The following PNPLA1 variants were observed in gnomAD, a reference collection of about 807,000 sequenced individuals.
PNPLA1 encodes omega-hydroxyceramide transacylase.
In PNPLA1, 36 loss-of-function variants were observed where a neutral mutation model predicts 51.7. That is an observed-to-expected ratio of 0.70 (90% CI 0.53 to 0.92). The LOEUF (loss-of-function observed/expected upper bound fraction) is 0.92. Among genes scored for constraint, PNPLA1 ranks in the 40% least tolerant of loss-of-function variants. The pLI, the probability that PNPLA1 is intolerant of heterozygous loss-of-function variation, is 0.00. For missense variants in PNPLA1, 658 were observed against 682.5 expected, an observed-to-expected ratio of 0.96 and a Z score of 0.40; for synonymous variants, 293 against 280.1, an observed-to-expected ratio of 1.05 and a Z score of -0.46.
At chr6:36,250,447 A>G (rs1769396548) in intron 1 of PNPLA1, among the ~76,000 whole-genome samples, 1 of 152,210 alleles carries the variant, frequency 6.6e-6, no homozygotes, top group Non-Finnish European at 1.5e-5. Flanking sequence ...CAACCCCAGC[A>G]GTTATTGGGT....
intron 1 of PNPLA1, among the ~76,000 whole-genome samples, chr6:36,275,975 T>TCTTTCTTTC (rs757403775): frequency 6.6e-5 from 10 of 150,802 alleles, no homozygotes; most frequent in Admixed American, 1.3e-4. Flanking sequence ...TTTCTTTCTT[T>TCTTTCTTTC]TGAGACAGAG....
At chr6:36,276,785 C>T (rs142810045) in intron 1 of PNPLA1, among the ~76,000 whole-genome samples, 2 of 146,492 alleles carry the variant, frequency 1.4e-5, no homozygotes, top group South Asian at 4.4e-4. Context: ...TTCCTTCCTT[C>T]CTTGCTTCCT....
chr6:36,295,897 T>G (rs1236735245), intron 5 of PNPLA1, among the ~76,000 whole-genome samples: 2 of 152,216 alleles, frequency 1.3e-5, no homozygotes, highest in Admixed American at 1.3e-4. Flanking sequence ...CCTTGCCCTA[T>G]GTAGGTTTGG....
chr6:36,264,489 A>C (rs1314508002), intron 1 of PNPLA1, among the ~76,000 whole-genome samples: 1 of 152,226 alleles, frequency 6.6e-6, no homozygotes, highest in Non-Finnish European at 1.5e-5. Context: ...TTGTTTATGA[A>C]ACATATTAAT....
At chr6:36,296,673 T>C (rs1770866300) in intron 5 of PNPLA1, among the ~76,000 whole-genome samples, 1 of 152,164 alleles carries the variant, frequency 6.6e-6, no homozygotes, top group African/African-American at 2.4e-5. Flanking sequence ...TACTTTCTCC[T>C]GGGTCCTTTC....
At chr6:36,253,633 A>AC (rs1478274401) in intron 1 of PNPLA1, among the ~76,000 whole-genome samples, 1 of 152,032 alleles carries the variant, frequency 6.6e-6, no homozygotes, top group Non-Finnish European at 1.5e-5. Context: ...GCATCACTAC[A>AC]CCCAACTAAT....
At chr6:36,300,258 A>C (rs1181840930) in intron 5 of PNPLA1, among the ~76,000 whole-genome samples, 1 of 150,050 alleles carries the variant, frequency 6.7e-6, no homozygotes, top group Non-Finnish European at 1.5e-5. Context: ...GCAGTGGTGC[A>C]ATCTTGGCTC....
chr6:36,247,997 G>A (rs777078499), intron 1 of PNPLA1, among the ~76,000 whole-genome samples: 4 of 152,184 alleles, frequency 2.6e-5, no homozygotes, highest in African/African-American at 7.2e-5. Flanking sequence ...ACACATGGGT[G>A]CTGCTGGTAG....
intron 1 of PNPLA1, among the ~76,000 whole-genome samples, chr6:36,276,522 G>C (rs76983905): frequency 6.6e-6 from 1 of 152,172 alleles, no homozygotes; most frequent in African/African-American, 2.4e-5. Context: ...GGTGGTCTCC[G>C]TGATTGCCAC....
intron 8 of PNPLA1, 112 bp downstream of exon 8, chr6:36,307,824 G>T (rs1771290057): frequency 1.5e-6 from 2 of 1,365,542 alleles, no homozygotes; most frequent in South Asian, 3.0e-5. Flanking sequence ...GGGTGCAGTG[G>T]GAGATTGGGC....
intron 5 of PNPLA1, among the ~76,000 whole-genome samples, chr6:36,301,027 G>T (rs1482934321): frequency 6.6e-6 from 1 of 152,112 alleles, no homozygotes; most frequent in Non-Finnish European, 1.5e-5. Flanking sequence ...AGCCCTTTCA[G>T]TTGGCTCTTT....
intron 1 of PNPLA1, among the ~76,000 whole-genome samples, chr6:36,244,432 C>G (rs2127306301): frequency 6.7e-6 from 1 of 150,150 alleles, no homozygotes; most frequent in East Asian, 2.0e-4. Flanking sequence ...CTTAGTATTT[C>G]TTGATAGTCT....
chr6:36,288,983 A>T (rs1489284930), intron 1 of PNPLA1, among the ~76,000 whole-genome samples: 1 of 152,164 alleles, frequency 6.6e-6, no homozygotes, highest in East Asian at 1.9e-4. Context: ...CATTCACAAC[A>T]TATTAGGTGA....
intron 1 of PNPLA1, among the ~76,000 whole-genome samples, chr6:36,258,257 T>G (rs1241276905): frequency 6.6e-6 from 1 of 152,194 alleles, no homozygotes; most frequent in Admixed American, 6.5e-5. Flanking sequence ...TGGCTTCTTC[T>G]CCTTTCCAGG....
At chr6:36,298,425 T>C (rs1770925721) in intron 5 of PNPLA1, among the ~76,000 whole-genome samples, 1 of 130,926 alleles carries the variant, frequency 7.6e-6, no homozygotes, top group Non-Finnish European at 1.8e-5. Context: ...ATTTTAATTG[T>C]GGTAAAAAAA....
chr6:36,270,700 T>TTGG, intron 1 of PNPLA1, 36 bp downstream of exon 1: 1 of 1,545,106 alleles, frequency 6.5e-7, no homozygotes, highest in Non-Finnish European at 8.7e-7. Flanking sequence ...GGGAAGTCTC[T>TTGG]TGGGGGATTC....
chr6:36,294,301 G>T lies in PNPLA1; in HGVS notation c.616G>T (p.Ala206Ser). 6.2e-7 allele frequency: 1 copy of T among 1,614,170 alleles called. No homozygotes were observed. Among genetic ancestry groups the T allele is most frequent in the Non-Finnish European group, 8.5e-7 (1 of 1,180,024 alleles). ...GGACATCTGTCCCCGGGACTGCCCG[G>T]CCATCTTCCACGACTTCCGCATGTT... ...QQDICPRDCP[A>S]IFHDFRMFNC... is the part of the protein sequence containing the mutation. Residue 206 changes from alanine (A) to serine (S), a missense_variant, in exon 4 of 9, where the codon GCC becomes TCC. Coordinates refer to ENST00000636260, the MANE Select transcript of PNPLA1 (RefSeq NM_001374623.1). The surrounding 1 kb of genome is among the most constrained non-coding windows in gnomAD (Gnocchi z 4.2).
intron 8 of PNPLA1, among the ~76,000 whole-genome samples, chr6:36,308,909 T>C (rs970866668): frequency 3.9e-5 from 6 of 152,202 alleles, no homozygotes; most frequent in African/African-American, 1.4e-4. Context: ...GCAGGAGGAT[T>C]GCTTGAGCCC....
In PNPLA1 at chr6:36,307,607, C is replaced by T; in HGVS notation, c.1490C>T (p.Ser497Leu). ...CCTAGGGAGAGCCCTGCTGAAGACT[C>T]AAACTGGGTGAATAAGGTCTTCAAG... ...PYVTESPAED[S>L]NWVNKVFKKN... The change falls in exon 8 of 9, where the codon TCA (serine) becomes TTA (leucine). Residue 497 changes from serine to leucine, a missense_variant. Physicochemically the swap from Ser to Leu is moderately radical, Grantham distance 145. Coordinates refer to ENST00000636260, the MANE Select transcript of PNPLA1 (RefSeq NM_001374623.1). The T allele has an allele frequency of 6.2e-7, 1 of 1,613,614 alleles. No homozygotes were observed. Among genetic ancestry groups the T allele is most frequent in the Non-Finnish European group, 8.5e-7 (1 of 1,179,840 alleles).
Sources: gnomAD v4.1 joint callset for allele counts (sites outside exome capture counted in the v4.1 genomes callset) on GRCh38, gnomAD v4.1.1 for gene constraint, Gnocchi (gnomAD v3.1) non-coding constraint, MANE v1.5 for transcripts, NCBI Gene and HGNC (gene_info 2026-07-23, HGNC 2026-07-21) for gene names.